The following CP variants were observed in gnomAD, a reference collection of about 807,000 sequenced individuals.
CP encodes ceruloplasmin.
A neutral mutation model predicts 122.4 loss-of-function variants in CP; 64 were observed. That is an observed-to-expected ratio of 0.52 (90% CI 0.43 to 0.64). The LOEUF (loss-of-function observed/expected upper bound fraction) is 0.64, where lower values mean the gene tolerates loss of function less well. Ranked by LOEUF, CP falls within the 30% of genes least tolerant of loss-of-function variation. The probability of loss-of-function intolerance (pLI) is 0.00; values close to 1 mark genes in which losing one functional copy is unlikely to be tolerated. For synonymous variants in CP, 440 were observed against 436.4 expected (o/e 1.01, Z -0.10); for missense variants, 1,167 against 1,284.4 (o/e 0.91, Z 1.40).
chr3:149,169,208 A>G (rs992265276), downstream of CP, among the ~76,000 whole-genome samples: 1 of 152,094 alleles, frequency 6.6e-6, no homozygotes, highest in African/African-American at 2.4e-5. Flanking sequence ...GTAACTGTTC[A>G]TTGATTAGAA....
At chr3:149,208,432 T>C (rs1308314552) in intron 4 of CP, among the ~76,000 whole-genome samples, 1 of 152,172 alleles carries the variant, frequency 6.6e-6, no homozygotes, top group African/African-American at 2.4e-5. Flanking sequence ...AAAGAGGACC[T>C]TCCACCCAGA....
At chr3:149,221,381 T>C (rs1020434599) in intron 1 of CP, among the ~76,000 whole-genome samples, 2 of 152,130 alleles carry the variant, frequency 1.3e-5, no homozygotes, top group Non-Finnish European at 2.9e-5. Context: ...AAAAGACAGA[T>C]TCCTAATCGG....
intron 9 of CP, among the ~76,000 whole-genome samples, chr3:149,193,497 A>G (rs964797454): frequency 6.6e-6 from 1 of 152,198 alleles, no homozygotes; most frequent in Non-Finnish European, 1.5e-5. Flanking sequence ...TGCAAACAAT[A>G]TATGCAATTG....
intron 9 of CP, among the ~76,000 whole-genome samples, chr3:149,197,181 G>C (rs564897774): frequency 6.6e-6 from 1 of 151,998 alleles, no homozygotes; most frequent in Admixed American, 6.6e-5. Flanking sequence ...GACTCAGCCC[G>C]CCTGCACCCG....
At chr3:149,184,685 A>G (rs1726034235) in intron 12 of CP, among the ~76,000 whole-genome samples, 2 of 152,256 alleles carry the variant, frequency 1.3e-5, no homozygotes, top group Middle Eastern at 3.2e-3. Context: ...CTATTCATAC[A>G]GAATTTATTT....
intron 13 of CP, among the ~76,000 whole-genome samples, chr3:149,182,341 G>A (rs1196355953): frequency 6.6e-6 from 1 of 152,202 alleles, no homozygotes; most frequent in African/African-American, 2.4e-5. Flanking sequence ...TCTAGGGGAG[G>A]TTTGGCCTGA....
intron 9 of CP, among the ~76,000 whole-genome samples, chr3:149,195,748 C>T (rs1053197239): frequency 6.6e-6 from 1 of 152,028 alleles, no homozygotes; most frequent in Non-Finnish European, 1.5e-5. Context: ...CGCCTGTAGT[C>T]CCAGCTACTC....
chr3:149,197,327 T>A (rs1338828593), intron 9 of CP, among the ~76,000 whole-genome samples: 2 of 152,196 alleles, frequency 1.3e-5, no homozygotes, highest in Admixed American at 1.3e-4. Flanking sequence ...AGTTCCTGTT[T>A]ATAGAGAAGT....
chr3:149,162,624 C>A, exon 6 of CP: 2 of 1,517,364 alleles, frequency 1.3e-6, no homozygotes, highest in Non-Finnish European at 1.8e-6. Context: ...TGATATTCAG[C>A]CCAGCTGTCG....
chr3:149,207,551 C>T lies in CP; in HGVS notation c.848G>A (p.Trp283Ter). The part of the protein sequence containing the change: ...LSMCAEDRVK[W>*]YLFGMGNEVD... ...TTCATTACCCATACCAAAAAGGTAC[C>T]ATTTTACTCTGTCTTCAGCACACAT... Residue 283 changes from tryptophan (W) to a stop codon, truncating the protein, a stop_gained, in exon 5 of 19, where the codon TGG becomes TAG. Transcript: ENST00000264613. LOFTEE classifies it high-confidence loss of function. The T allele has an allele frequency of 6.2e-7, 1 of 1,613,980 alleles. No homozygotes were observed. Among genetic ancestry groups the T allele is most frequent in the Non-Finnish European group, 8.5e-7 (1 of 1,179,870 alleles).
At chr3:149,213,187 T>G (rs976003003) in intron 1 of CP, among the ~76,000 whole-genome samples, 12 of 152,220 alleles carry the variant, frequency 7.9e-5, no homozygotes, top group African/African-American at 2.9e-4. Context: ...AAAGTAAGAT[T>G]AATAAAGCTA....
intron 9 of CP, among the ~76,000 whole-genome samples, chr3:149,190,485 C>G (rs1286677987): frequency 6.6e-6 from 1 of 151,942 alleles, no homozygotes; most frequent in Non-Finnish European, 1.5e-5. Flanking sequence ...TGGTGAAACC[C>G]CATCTCTACT....
intron 6 of CP, among the ~76,000 whole-genome samples, chr3:149,205,313 T>C (rs1727631800): frequency 6.7e-6 from 1 of 150,300 alleles, no homozygotes. Flanking sequence ...ATGTGGTTCC[T>C]CAAAAAATTA....
chr3:149,182,248 T>G, intron 13 of CP, 115 bp from the exon 14 acceptor site: 24 of 1,162,518 alleles, frequency 2.1e-5, no homozygotes, highest in Non-Finnish European at 2.7e-5. Flanking sequence ...TATAATACTC[T>G]TGGATTTATA....
rs1727806825 is a variant in CP, at chr3:149,207,363, C to T, written c.1036G>A (p.Ala346Thr). 1 of 1,613,844 alleles carries T rather than the reference C, an allele frequency of 6.2e-7. No homozygotes were observed. Among genetic ancestry groups the T allele is most frequent in the Non-Finnish European group, 8.5e-7 (1 of 1,179,752 alleles). Residue 346 changes from alanine (A) to threonine (T), a missense_variant and splice_region_variant, in exon 5 of 19, where the codon GCC (alanine) becomes ACC (threonine). Ala to Thr is a moderately conservative substitution (Grantham distance 58). Around this residue, in one of 2 missense-constraint regions of CP, gnomAD observed 642 missense variants for 627.3 expected, o/e 1.02. Coordinates refer to ENST00000264613, the MANE Select transcript of CP (RefSeq NM_000096.4). ...CTAATTTCAGGTAAAGATGTCCTAC[C>T]TTTCAGATGGTTTAGATTCTGACAG... Reference protein sequence around the residue: ...LSCQNLNHLKAGLQAFFQVQE... With the variant: ...LSCQNLNHLKTGLQAFFQVQE...
At chr3:149,169,224 G>C (rs76950106), downstream of CP, among the ~76,000 whole-genome samples, 1,679 of 152,262 alleles carry the variant, frequency 0.011, 33 homozygotes, top group African/African-American at 0.039. Context: ...TAGAAAGGGA[G>C]ACAGCTGAAG....
rs9857073 is a variant in CP at position 149,191,167 on chromosome 3, T to A, written c.1714-2965A>T. On this transcript the variant is annotated intron_variant, in intron 9 of 18. Transcript: ENST00000264613. The stretch of plus-strand genomic sequence containing the variant: ...TCAGATCTTTGCAAGGCTGCCTTTT[T>A]GAAATTTAGGTATCACATTAAATAT... 7.5e-3 allele frequency among the ~76,000 whole-genome samples: 1,140 copies of A among 152,274 alleles called. 15 individuals carry two copies. The highest frequency in any genetic ancestry group is 9.3e-3 in the Non-Finnish European group (630 of 68,006).
intron 9 of CP, among the ~76,000 whole-genome samples, chr3:149,197,959 C>T (rs114114726): frequency 0.019 from 2,843 of 152,226 alleles, 103 homozygotes; most frequent in African/African-American, 0.063. Context: ...TTGGGGACCC[C>T]TGTGTTAAAT....
At chr3:149,169,887 T>C (rs993396790), downstream of CP, among the ~76,000 whole-genome samples, 1 of 152,214 alleles carries the variant, frequency 6.6e-6, no homozygotes, top group Non-Finnish European at 1.5e-5. Flanking sequence ...TTGACAAATA[T>C]TTTCTAGACA....
Sources: allele counts gnomAD v4.1 joint callset (sites outside exome capture counted in the v4.1 genomes callset), GRCh38; gene constraint gnomAD v4.1.1; regional missense constraint gnomAD v4.1.1; transcripts MANE v1.5; gene names NCBI Gene and HGNC (gene_info 2026-07-23, HGNC 2026-07-21).